The following ITGB1 variants were observed in gnomAD, a reference collection of about 807,000 sequenced individuals.
ITGB1 encodes the protein integrin subunit beta 1, also known as integrin beta-1.
A neutral mutation model predicts 86.5 loss-of-function variants in ITGB1; 24 were observed. The ratio of observed to expected loss-of-function variants is 0.28; its 90% CI spans 0.20 to 0.39. The LOEUF is 0.39. ITGB1 is among the 10% of genes least tolerant of loss of function. The pLI, the probability that ITGB1 is intolerant of heterozygous loss-of-function variation, is 1.00. For missense variants in ITGB1, 556 were observed against 946.9 expected (o/e 0.59, Z 5.42); for synonymous variants, 323 against 316.8 (o/e 1.02, Z -0.21).
At chr10:32,953,738 A>C (rs2095047080) in intron 1 of ITGB1, 1 of 152,206 alleles carries the variant, frequency 6.6e-6, no homozygotes, top group Admixed American at 6.5e-5. Context: ...CAGACCCGGC[A>C]CTGACACCCA....
At chr10:32,925,813 T>A in intron 6 of ITGB1, 58 bp downstream of exon 6, 1 of 1,054,232 alleles carries the variant, frequency 9.5e-7, no homozygotes, top group East Asian at 2.4e-5. Flanking sequence ...AAAATCACAC[T>A]TAAAATTCAC....
intron 14 of ITGB1, 75 bp from the exon 15 acceptor site, chr10:32,908,609 C>T (rs2094903860): frequency 1.5e-6 from 2 of 1,295,446 alleles, no homozygotes; most frequent in Non-Finnish European, 2.2e-6. Context: ...CAGGAATAAA[C>T]ACCCAAGAGA....
chr10:32,932,025 A>T (rs994103698), intron 3 of ITGB1, among the ~76,000 whole-genome samples: 1 of 152,100 alleles, frequency 6.6e-6, no homozygotes, highest in Non-Finnish European at 1.5e-5. Context: ...CTCAAATATA[A>T]TTAAGAAGGT....
intron 5 of ITGB1, among the ~76,000 whole-genome samples, chr10:32,927,831 T>C (rs2094970169): frequency 6.6e-6 from 1 of 152,104 alleles, no homozygotes; most frequent in Non-Finnish European, 1.5e-5. Flanking sequence ...ATGATCAAGT[T>C]AGTATGAAAA....
intron 9 of ITGB1, among the ~76,000 whole-genome samples, chr10:32,921,163 C>CAAAA (rs5784312): frequency 4.8e-4 from 58 of 121,810 alleles, no homozygotes; most frequent in Admixed American, 8.5e-4. Context: ...GTAGCCCAGC[C>CAAAA]AAAAAAAAAA....
At chr10:32,929,517 T>C (rs1473333253) in intron 4 of ITGB1, among the ~76,000 whole-genome samples, 1 of 152,244 alleles carries the variant, frequency 6.6e-6, no homozygotes, top group Non-Finnish European at 1.5e-5. Context: ...TATAATATAT[T>C]ATGTAATTAG....
In ITGB1 at chr10:32,944,690, G is replaced by C. The variant is rs887275324; in HGVS notation, c.1-9132C>G. ...GACACTTCCACAGGCAGAAGCCCTA[G>C]ACTAAGCTTCTTAGACAGACAAAGT... On this transcript the variant is annotated intron_variant, in intron 1 of 15. Coordinates refer to ENST00000302278, the MANE Select transcript of ITGB1 (RefSeq NM_002211.4). 6 of 667,490 alleles carry C rather than the reference G, an allele frequency of 9.0e-6. No individual in the cohort carries two copies. In the African/African-American group the frequency reaches 1.1e-4, roughly 12 times the overall value. The allele number at this position is 667,490 out of a possible 1,614,324, so 41.3% of individuals were successfully genotyped here. A position where few individuals can be genotyped will look rare whatever the true frequency, so the allele number is the denominator to read the frequency against.
At chr10:32,902,142 T>C (rs1486046801) in intron 15 of ITGB1, among the ~76,000 whole-genome samples, 2 of 152,214 alleles carry the variant, frequency 1.3e-5, no homozygotes, top group Non-Finnish European at 2.9e-5. Context: ...AAGGCTGTCA[T>C]TGTGTCAGGG....
chr10:32,941,514 C>G (rs888887923), intron 1 of ITGB1, among the ~76,000 whole-genome samples: 2 of 152,080 alleles, frequency 1.3e-5, no homozygotes, highest in African/African-American at 4.8e-5. Flanking sequence ...GCAGGAAGAG[C>G]TACGTTACAG....
At chr10:32,945,357 T>C (rs1284261358) in intron 1 of ITGB1, among the ~76,000 whole-genome samples, 1 of 152,126 alleles carries the variant, frequency 6.6e-6, no homozygotes, top group Non-Finnish European at 1.5e-5. Context: ...CCCAGCACTT[T>C]GGGAGGCCGA....
At chr10:32,929,744 C>G (rs2094977002) in intron 4 of ITGB1, 78 bp downstream of exon 4, 6 of 821,724 alleles carry the variant, frequency 7.3e-6, no homozygotes, top group Non-Finnish European at 1.3e-5. Context: ...TCAACAGAAA[C>G]TGGTCAGAGT....
chr10:32,918,569 T>C (rs2488326), intron 11 of ITGB1, among the ~76,000 whole-genome samples: 125,086 of 152,064 alleles, frequency 0.82, 52,238 homozygotes, highest in Non-Finnish European at 0.9. Flanking sequence ...CAAGTTCATA[T>C]GGAATATATG....
intron 15 of ITGB1, among the ~76,000 whole-genome samples, chr10:32,905,077 TA>T (rs2094892443): frequency 6.7e-6 from 1 of 150,222 alleles, no homozygotes; most frequent in African/African-American, 2.4e-5. Flanking sequence ...TGTCATTGGC[TA>T]ATCAGTTTTC....
intron 1 of ITGB1, chr10:32,944,420 G>A (rs965620370): frequency 9.2e-5 from 29 of 314,828 alleles, no homozygotes; most frequent in African/African-American, 4.8e-4. Context: ...GGCAGCAGCC[G>A]TGATCATGGG....
intron 15 of ITGB1, among the ~76,000 whole-genome samples, chr10:32,907,473 A>C (rs1185581473): frequency 6.6e-6 from 1 of 152,226 alleles, no homozygotes; most frequent in Non-Finnish European, 1.5e-5. Flanking sequence ...TAGGGCTTTT[A>C]AGATTTTTAT....
intron 9 of ITGB1, 29 bp from the exon 10 acceptor site, chr10:32,920,414 A>G: frequency 6.2e-7 from 1 of 1,604,166 alleles, no homozygotes; most frequent in Non-Finnish European, 8.5e-7. Flanking sequence ...ATACACAGGA[A>G]AAGTCAAACA....
intron 1 of ITGB1, among the ~76,000 whole-genome samples, chr10:32,956,153 CTT>C (rs1389160533): frequency 6.6e-6 from 1 of 152,158 alleles, no homozygotes; most frequent in African/African-American, 2.4e-5. Flanking sequence ...TCTTCAGTCA[CTT>C]ATATAATATT....
chr10:32,956,881 C>CTT (rs1338943728), intron 1 of ITGB1, among the ~76,000 whole-genome samples: 1 of 152,148 alleles, frequency 6.6e-6, no homozygotes, highest in Non-Finnish European at 1.5e-5. Context: ...TACTCTCAAG[C>CTT]TAAGTTTTTT....
At chr10:32,923,559 C>G (rs1379717133) in intron 7 of ITGB1, 26 bp downstream of exon 7, 4 of 1,578,134 alleles carry the variant, frequency 2.5e-6, no homozygotes, top group Admixed American at 1.7e-5. Context: ...TAAACACATT[C>G]ACTATGTAAG....
Sources: allele counts gnomAD v4.1 joint callset (sites outside exome capture counted in the v4.1 genomes callset), GRCh38; gene constraint gnomAD v4.1.1; transcripts MANE v1.5; gene names NCBI Gene and HGNC (gene_info 2026-07-23, HGNC 2026-07-21).